ST8SIA4: variants seen among roughly 807,000 people sequenced by gnomAD.
ST8SIA4 encodes the protein ST8 alpha-N-acetyl-neuraminide alpha-2,8-sialyltransferase 4.
Under a neutral mutation model 33.9 loss-of-function variants are expected in ST8SIA4, and 15 were observed. The ratio of observed to expected loss-of-function variants is 0.44; its 90% confidence interval spans 0.30 to 0.68. The LOEUF is 0.68. Among genes scored for constraint, ST8SIA4 ranks in the 30% least tolerant of loss-of-function variants. The pLI, the probability that ST8SIA4 is intolerant of heterozygous loss-of-function variation, is 0.10. For missense variants in ST8SIA4, 321 were observed against 428.0 expected, an observed-to-expected ratio of 0.75 and a Z score of 2.21; for synonymous variants, 171 against 151.2, an observed-to-expected ratio of 1.13 and a Z score of -0.96.
intron 4 of ST8SIA4, among the ~76,000 whole-genome samples, chr5:100,833,327 G>A (rs1250761995): frequency 6.6e-6 from 1 of 152,016 alleles, no homozygotes; most frequent in Non-Finnish European, 1.5e-5. Flanking sequence ...CAGGGTTTTT[G>A]TATTATTTAA....
At chr5:100,862,489 C>T (rs914954326) in intron 3 of ST8SIA4, among the ~76,000 whole-genome samples, 2 of 152,094 alleles carry the variant, frequency 1.3e-5, no homozygotes, top group Non-Finnish European at 2.9e-5. Flanking sequence ...ATCTCCGCCT[C>T]CTGGGTTCAA....
chr5:100,846,261 G>A (rs1751568332), intron 4 of ST8SIA4, among the ~76,000 whole-genome samples: 1 of 151,778 alleles, frequency 6.6e-6, no homozygotes, highest in Non-Finnish European at 1.5e-5. Flanking sequence ...TTGGTTCCCT[G>A]CTTGTTTGAA....
At chr5:100,824,200 T>A (rs781661492) in intron 4 of ST8SIA4, among the ~76,000 whole-genome samples, 6 of 152,170 alleles carry the variant, frequency 3.9e-5, no homozygotes, top group Non-Finnish European at 7.4e-5. Context: ...AGTACATTCA[T>A]GTAATATTGT....
chr5:100,836,624 C>T (rs1488164925), intron 4 of ST8SIA4, among the ~76,000 whole-genome samples: 1 of 151,980 alleles, frequency 6.6e-6, no homozygotes, highest in Admixed American at 6.6e-5. Context: ...AATGTTAAAT[C>T]TCACGTTGAC....
intron 4 of ST8SIA4, among the ~76,000 whole-genome samples, chr5:100,818,342 T>C (rs925372011): frequency 2.6e-5 from 4 of 152,200 alleles, no homozygotes; most frequent in African/African-American, 9.6e-5. Context: ...AGTGGTTTTT[T>C]TTCTATGTGT....
intron 3 of ST8SIA4, among the ~76,000 whole-genome samples, chr5:100,879,292 C>T (rs924815103): frequency 3.9e-5 from 6 of 152,122 alleles, no homozygotes; most frequent in Admixed American, 3.9e-4. Flanking sequence ...AATTTTCAAG[C>T]ACAAATCAGT....
intron 3 of ST8SIA4, among the ~76,000 whole-genome samples, chr5:100,880,877 A>G (rs1191442316): frequency 6.6e-6 from 1 of 152,234 alleles, no homozygotes; most frequent in East Asian, 1.9e-4. Flanking sequence ...ATAATTAAAT[A>G]AGATATTTGT....
intron 1 of ST8SIA4, among the ~76,000 whole-genome samples, chr5:100,901,017 G>A (rs556571124): frequency 6.9e-4 from 105 of 152,316 alleles, no homozygotes; most frequent in African/African-American, 2.5e-3. Flanking sequence ...AGCCCGACTA[G>A]CTCAACCGCC....
At chr5:100,816,482 G>C (rs753339996) in intron 4 of ST8SIA4, 1 of 522,490 alleles carries the variant, frequency 1.9e-6, no homozygotes, top group South Asian at 1.5e-5. Flanking sequence ...AAGTTTAGAA[G>C]TATTACATTG....
rs1374956389 is a variant in ST8SIA4, at chr5:100,807,698, T to C, written c.*4149A>G. ...AACTGAAGTCTCAAAAGAACTTCTT[T>C]ATTCTAAAGTGGACTTACTTATCTC... On this transcript the variant is annotated 3_prime_UTR_variant, in exon 5 of 5. Coordinates refer to ENST00000231461, the MANE Select transcript of ST8SIA4 (RefSeq NM_005668.6). 6.6e-6 allele frequency: 1 copy of C among 152,554 alleles called. No individual in the cohort carries two copies. The highest frequency in any genetic ancestry group is 1.5e-5 in the Non-Finnish European group (1 of 67,984). 9.5% of individuals were successfully genotyped at this position (152,554 alleles called of 1,614,324 possible). A position where few individuals can be genotyped will look rare whatever the true frequency, so the allele number is the denominator to read the frequency against.
intron 3 of ST8SIA4, among the ~76,000 whole-genome samples, chr5:100,880,360 G>C (rs1214745364): frequency 6.6e-6 from 1 of 152,148 alleles, no homozygotes; most frequent in Non-Finnish European, 1.5e-5. Context: ...GTGGTAGGGG[G>C]TGTTTCTGAT....
At position 100,808,285 on chromosome 5, in the gene ST8SIA4, T is replaced by C. The variant is rs957974797; in HGVS notation, c.*3562A>G. ...TATATGTAGAAATTCCCATTAGTAA[T>C]TGATATACAATTCATATGATATACA... is the stretch of plus-strand genomic sequence containing the variant. On this transcript the variant is annotated 3_prime_UTR_variant, in exon 5 of 5. Transcript: ENST00000231461. 3 of 152,660 alleles carry C rather than the reference T, an allele frequency of 2.0e-5. No individual in the cohort carries two copies. Among genetic ancestry groups the C allele is most frequent in the Non-Finnish European group, 4.4e-5 (3 of 68,020 alleles). 9.5% of individuals were successfully genotyped at this position (152,660 alleles called of 1,614,324 possible). A position where few individuals can be genotyped will look rare whatever the true frequency, so the allele number is the denominator to read the frequency against.
At chr5:100,823,822 GA>G (rs1459669128) in intron 4 of ST8SIA4, among the ~76,000 whole-genome samples, 1 of 152,184 alleles carries the variant, frequency 6.6e-6, no homozygotes, top group East Asian at 1.9e-4. Context: ...CACTGCCTAA[GA>G]CAAACATTTA....
intron 4 of ST8SIA4, among the ~76,000 whole-genome samples, chr5:100,829,313 T>C (rs571956133): frequency 6.6e-6 from 1 of 152,338 alleles, no homozygotes; most frequent in Admixed American, 6.5e-5. Context: ...TTTTGGTCTC[T>C]CATGGATTAG....
rs529685610 is a variant in ST8SIA4, at chr5:100,853,444, G to A, written c.797+2659C>T. ...TTGACACTTTAAGAGGGTATATGTA[G>A]ATTTGTGAACAGGAAGGTGGAGAGA... On this transcript the variant is annotated intron_variant, in intron 4 of 4. Coordinates refer to ENST00000231461, the MANE Select transcript of ST8SIA4 (RefSeq NM_005668.6). Among the ~76,000 whole-genome samples the A allele has an allele frequency of 2.6e-5, 4 of 152,280 alleles. No homozygotes were observed. In the East Asian group the frequency reaches 7.7e-4, roughly 29 times the overall value.
At position 100,807,557 on chromosome 5, in the gene ST8SIA4, C is replaced by G. The variant is rs1330082187; in HGVS notation, c.*4290G>C. On this transcript the variant is annotated 3_prime_UTR_variant, in exon 5 of 5. Coordinates refer to ENST00000231461, the MANE Select transcript of ST8SIA4 (RefSeq NM_005668.6). ...ATTCGAATACATTGCTAGCTTGAAGCCTTTACTTTTCTTCTTTATTATTAA... is the reference window on the plus strand; with the variant it reads ...ATTCGAATACATTGCTAGCTTGAAGGCTTTACTTTTCTTCTTTATTATTAA... 3 of 152,456 alleles carry G rather than the reference C, an allele frequency of 2.0e-5. No individual in the cohort carries two copies. Among genetic ancestry groups the G allele is most frequent in the Non-Finnish European group, 4.4e-5 (3 of 67,938 alleles). The allele number at this position is 152,456 out of a possible 1,614,324, so 9.4% of individuals were successfully genotyped here. A position where few individuals can be genotyped will look rare whatever the true frequency, so the allele number is the denominator to read the frequency against.
At chr5:100,874,382 G>GTT (rs1752261483) in intron 3 of ST8SIA4, among the ~76,000 whole-genome samples, 1 of 152,004 alleles carries the variant, frequency 6.6e-6, no homozygotes, top group Non-Finnish European at 1.5e-5. Context: ...ATATAGAAAA[G>GTT]CTAAAAACTT....
chr5:100,873,345 A>T (rs1752236661), intron 3 of ST8SIA4, among the ~76,000 whole-genome samples: 1 of 152,128 alleles, frequency 6.6e-6, no homozygotes, highest in South Asian at 2.1e-4. Context: ...GAGGAAAGGT[A>T]AGTAGAAAGA....
intron 4 of ST8SIA4, among the ~76,000 whole-genome samples, chr5:100,841,155 T>G (rs989943966): frequency 2.0e-5 from 3 of 151,950 alleles, no homozygotes; most frequent in Non-Finnish European, 4.4e-5. Context: ...CTGATTTCCA[T>G]AGTTGCATAG....
Sources: gnomAD v4.1 joint callset for allele counts (sites outside exome capture counted in the v4.1 genomes callset) on GRCh38, gnomAD v4.1.1 for gene constraint, MANE v1.5 for transcripts, NCBI Gene and HGNC (gene_info 2026-07-23, HGNC 2026-07-21) for gene names.